Variants in PPP2R2B observed in about 807,000 individuals in gnomAD.
PPP2R2B encodes serine/threonine-protein phosphatase 2A 55 kDa regulatory subunit B beta isoform.
A neutral mutation model predicts 46.0 loss-of-function variants in PPP2R2B; 5 were observed. The observed-to-expected ratio is 0.11, with a 90% CI of 0.06 to 0.23. PPP2R2B has a LOEUF of 0.23. PPP2R2B is among the 10% of genes least tolerant of loss of function. PPP2R2B has a pLI of 1.00. For missense variants in PPP2R2B, 367 were observed against 575.0 expected, an observed-to-expected ratio of 0.64 and a Z score of 3.70; for synonymous variants, 215 against 206.7, an observed-to-expected ratio of 1.04 and a Z score of -0.34.
At chr5:146,936,304 A>G (rs1400665675) in intron 1 of PPP2R2B, among the ~76,000 whole-genome samples, 1 of 152,032 alleles carries the variant, frequency 6.6e-6, no homozygotes, top group African/African-American at 2.4e-5. Flanking sequence ...CCATTATTAC[A>G]CTTTGTCCTG....
chr5:146,833,417 G>GCTCTTA (rs1347941325), intron 2 of PPP2R2B, among the ~76,000 whole-genome samples: 1 of 152,126 alleles, frequency 6.6e-6, no homozygotes, highest in Non-Finnish European at 1.5e-5. Flanking sequence ...AGCAAACAAA[G>GCTCTTA]CTCTTAGGCT....
intron 2 of PPP2R2B, among the ~76,000 whole-genome samples, chr5:146,705,806 C>A (rs1032565714): frequency 2.6e-5 from 4 of 151,962 alleles, no homozygotes. Flanking sequence ...TGGGATTATG[C>A]CAAGATGACC....
At chr5:146,637,330 A>C (rs987263409) in intron 7 of PPP2R2B, among the ~76,000 whole-genome samples, 1 of 152,202 alleles carries the variant, frequency 6.6e-6, no homozygotes, top group African/African-American at 2.4e-5. Flanking sequence ...ATTTTTGGTT[A>C]TACAACTGGG....
intron 1 of PPP2R2B, among the ~76,000 whole-genome samples, chr5:146,958,629 A>G (rs1366017640): frequency 1.3e-5 from 2 of 152,202 alleles, no homozygotes; most frequent in Non-Finnish European, 2.9e-5. Context: ...AGAGAACATC[A>G]AGATTCAGAG....
chr5:146,748,551 A>G (rs1292009834), intron 2 of PPP2R2B, among the ~76,000 whole-genome samples: 1 of 152,180 alleles, frequency 6.6e-6, no homozygotes, highest in African/African-American at 2.4e-5. Context: ...TTTCTACAAC[A>G]TTCTTGAAAT....
intron 1 of PPP2R2B, among the ~76,000 whole-genome samples, chr5:147,004,094 T>C (rs1016041134): frequency 6.6e-6 from 1 of 152,138 alleles, no homozygotes; most frequent in Non-Finnish European, 1.5e-5. Context: ...GCCTTAGTCA[T>C]GGCCCTCAGA....
chr5:146,964,538 T>C (rs371583202), intron 1 of PPP2R2B, among the ~76,000 whole-genome samples: 1 of 152,246 alleles, frequency 6.6e-6, no homozygotes, highest in East Asian at 1.9e-4. Context: ...TTTTTATTTT[T>C]ATTTTTATAC....
chr5:146,691,819 C>T (rs190780491), intron 4 of PPP2R2B, among the ~76,000 whole-genome samples: 15 of 152,278 alleles, frequency 9.9e-5, no homozygotes, highest in Non-Finnish European at 1.9e-4. Flanking sequence ...GCTCACTAAG[C>T]CTCGGGGCCT....
rs377737582 is a variant in PPP2R2B at position 147,025,984 on chromosome 5, T to C, written c.79+29681A>G. Among the ~76,000 whole-genome samples, 11 of 152,120 alleles carry C rather than the reference T, an allele frequency of 7.2e-5. 1 individual carries two copies. In the East Asian group the frequency reaches 1.5e-3, roughly 21 times the overall value. On this transcript the variant is annotated intron_variant, in intron 1 of 8. Coordinates refer to the PPP2R2B transcript ENST00000336640. ...AAATAAAAAGACTTTCTCTACCAAA[T>C]GGTAGTGAGAATGCTGAGGAACTGG...
chr5:146,932,430 C>T (rs546874630), intron 1 of PPP2R2B, among the ~76,000 whole-genome samples: 3 of 152,136 alleles, frequency 2.0e-5, no homozygotes, highest in South Asian at 2.1e-4. Flanking sequence ...TACTGCTGTT[C>T]TTGTGATAGT....
intron 2 of PPP2R2B, among the ~76,000 whole-genome samples, chr5:146,823,102 C>T (rs145873717): frequency 2.0e-5 from 3 of 152,324 alleles, no homozygotes; most frequent in African/African-American, 7.2e-5. Flanking sequence ...GTTTGGAGCT[C>T]AGCCCCCTGT....
intron 1 of PPP2R2B, chr5:147,054,584 G>A (rs1481814329): frequency 4.4e-6 from 2 of 455,972 alleles, no homozygotes; most frequent in Admixed American, 2.4e-5. Context: ...CTGAAGGTAC[G>A]GATAAAAAAT....
intron 2 of PPP2R2B, among the ~76,000 whole-genome samples, chr5:146,706,190 G>A (rs1350516209): frequency 1.3e-5 from 2 of 152,140 alleles, no homozygotes; most frequent in Non-Finnish European, 1.5e-5. Flanking sequence ...CAGGCTGGGA[G>A]GGGCTGCCGC....
chr5:147,081,305 G>T, exon 1 of PPP2R2B: 1 of 1,535,540 alleles, frequency 6.5e-7, no homozygotes, highest in South Asian at 1.2e-5. Flanking sequence ...CTGAGAGGAC[G>T]GTCAGTCTGC....
intron 2 of PPP2R2B, chr5:146,706,778 C>T: frequency 4.9e-6 from 4 of 814,784 alleles, no homozygotes; most frequent in Non-Finnish European, 8.7e-6. Flanking sequence ...CTGATACATG[C>T]TCTCGGCCTC....
chr5:146,659,690 A>C (rs1306359517), intron 5 of PPP2R2B, among the ~76,000 whole-genome samples: 2 of 152,188 alleles, frequency 1.3e-5, no homozygotes, highest in South Asian at 4.1e-4. Context: ...TACTAAGATC[A>C]TTGTCATTTT....
At chr5:147,044,225 G>T (rs927497669) in intron 1 of PPP2R2B, among the ~76,000 whole-genome samples, 3 of 152,020 alleles carry the variant, frequency 2.0e-5, no homozygotes, top group Admixed American at 2.0e-4. Flanking sequence ...TTCTTATTTA[G>T]TAGTTCTAAG....
At chr5:147,031,664 G>C (rs1580830775) in intron 1 of PPP2R2B, among the ~76,000 whole-genome samples, 1 of 151,874 alleles carries the variant, frequency 6.6e-6, no homozygotes, top group Non-Finnish European at 1.5e-5. Flanking sequence ...GTATCTTTAG[G>C]CTTTTTTCTT....
chr5:146,766,202 T>G (rs867781640), intron 2 of PPP2R2B, among the ~76,000 whole-genome samples: 1 of 152,330 alleles, frequency 6.6e-6, no homozygotes, highest in East Asian at 1.9e-4. Flanking sequence ...CTGTACCACA[T>G]ACTTAGTAGT....
Sources: allele counts gnomAD v4.1 joint callset (sites outside exome capture counted in the v4.1 genomes callset), GRCh38; gene constraint gnomAD v4.1.1; transcripts MANE v1.5; gene names NCBI Gene and HGNC (gene_info 2026-07-23, HGNC 2026-07-21).